AGBL4: variants seen among roughly 807,000 people sequenced by gnomAD.
The protein encoded by AGBL4 is AGBL carboxypeptidase 4, also known as cytosolic carboxypeptidase 6.
AGBL4 carries 58 observed loss-of-function variants against 66.4 expected under a neutral mutation model. That is an observed-to-expected ratio of 0.87 (90% CI 0.71 to 1.09). The LOEUF is 1.09. AGBL4 is among the 50% of genes least tolerant of loss of function. The pLI is 0.00. For synonymous variants in AGBL4, 234 were observed against 222.9 expected (o/e 1.05, Z -0.44); for missense variants, 579 against 631.0 (o/e 0.92, Z 0.88).
At chr1:49,650,352 G>A (rs1472758325) in intron 3 of AGBL4, among the ~76,000 whole-genome samples, 1 of 152,184 alleles carries the variant, frequency 6.6e-6, no homozygotes, top group Non-Finnish European at 1.5e-5. Flanking sequence ...AAGTGAGAGT[G>A]TTTCTTTGCT....
At chr1:49,689,180 T>C (rs1018809676) in intron 3 of AGBL4, among the ~76,000 whole-genome samples, 12 of 152,184 alleles carry the variant, frequency 7.9e-5, no homozygotes, top group African/African-American at 2.2e-4. Context: ...CCTCAATGTT[T>C]TCTTTTAGTA....
chr1:49,397,165 G>T (rs1644990705), intron 3 of AGBL4, among the ~76,000 whole-genome samples: 1 of 151,948 alleles, frequency 6.6e-6, no homozygotes, highest in Non-Finnish European at 1.5e-5. Context: ...ACCAGTACTG[G>T]TCCATGGCCT....
At chr1:49,259,330 C>T (rs1421063330) in intron 3 of AGBL4, among the ~76,000 whole-genome samples, 1 of 151,966 alleles carries the variant, frequency 6.6e-6, no homozygotes, top group African/African-American at 2.4e-5. Flanking sequence ...TGTAAATGGA[C>T]TAAATGCTCC....
intron 5 of AGBL4, among the ~76,000 whole-genome samples, chr1:48,869,743 T>C (rs1648463510): frequency 6.6e-6 from 1 of 152,098 alleles, no homozygotes; most frequent in African/African-American, 2.4e-5. Context: ...TAGAACTCCC[T>C]GAGAACCTGT....
At chr1:49,183,895 T>G (rs1270119788) in intron 4 of AGBL4, among the ~76,000 whole-genome samples, 1 of 152,146 alleles carries the variant, frequency 6.6e-6, no homozygotes, top group Non-Finnish European at 1.5e-5. Context: ...GACCTTTGGC[T>G]TTTGACAGAT....
At chr1:49,604,429 T>G (rs1334737399) in intron 3 of AGBL4, among the ~76,000 whole-genome samples, 1 of 152,220 alleles carries the variant, frequency 6.6e-6, no homozygotes, top group African/African-American at 2.4e-5. Context: ...GGTTATTTTA[T>G]TCATGCTGAT....
At chr1:49,347,622 G>A (rs986227823) in intron 3 of AGBL4, among the ~76,000 whole-genome samples, 2 of 152,054 alleles carry the variant, frequency 1.3e-5, no homozygotes, top group Non-Finnish European at 2.9e-5. Context: ...CACGTTGGGA[G>A]GCTCAGGCAG....
intron 5 of AGBL4, among the ~76,000 whole-genome samples, chr1:48,980,718 A>AATATATATAT (rs544711494): frequency 2.2e-5 from 2 of 92,346 alleles, no homozygotes; most frequent in Non-Finnish European, 4.1e-5. Context: ...GTAAAGAAGA[A>AATATATATAT]ATATATATAT....
chr1:49,492,679 A>G (rs1029712239), intron 3 of AGBL4, among the ~76,000 whole-genome samples: 2 of 152,002 alleles, frequency 1.3e-5, no homozygotes, highest in African/African-American at 4.8e-5. Flanking sequence ...AAGTACAGCT[A>G]TTAAGACAGG....
intron 3 of AGBL4, among the ~76,000 whole-genome samples, chr1:49,676,039 G>A (rs1253624483): frequency 1.3e-5 from 2 of 152,010 alleles, no homozygotes; most frequent in Non-Finnish European, 2.9e-5. Flanking sequence ...CATTTCAACT[G>A]ATGTACATAA....
intron 3 of AGBL4, among the ~76,000 whole-genome samples, chr1:49,405,021 T>C (rs1047639502): frequency 1.3e-5 from 2 of 152,174 alleles, no homozygotes; most frequent in African/African-American, 4.8e-5. Flanking sequence ...GCCTTCAGAT[T>C]CCACTGGGTG....
chr1:48,958,158 T>C (rs1657653829), intron 5 of AGBL4, among the ~76,000 whole-genome samples: 2 of 152,082 alleles, frequency 1.3e-5, no homozygotes, highest in Non-Finnish European at 1.5e-5. Context: ...GCGCCTGGCC[T>C]CTGCAGGCTT....
chr1:49,015,815 T>A lies in AGBL4; in HGVS notation c.594+29769A>T, dbSNP rs577787865. On this transcript the variant is annotated intron_variant, in intron 5 of 13. Coordinates refer to ENST00000371839, the MANE Select transcript of AGBL4 (RefSeq NM_032785.4). ...TAATTTTACAAAATGCTATTTCATT[T>A]ATTTTTTTCGTTTTAAAGAAAGAAA... is the stretch of plus-strand genomic sequence containing the variant. 8.5e-5 allele frequency among the ~76,000 whole-genome samples: 13 copies of A among 152,278 alleles called. No homozygotes were observed. In the East Asian group the frequency reaches 2.5e-3, roughly 29 times the overall value.
intron 5 of AGBL4, among the ~76,000 whole-genome samples, chr1:48,997,585 ATCT>A (rs1382330624): frequency 1.3e-5 from 2 of 152,192 alleles, no homozygotes; most frequent in Non-Finnish European, 2.9e-5. Flanking sequence ...CATGAACTGA[ATCT>A]TCTTAACTCA....
At chr1:49,849,476 C>T (rs938953150) in intron 2 of AGBL4, among the ~76,000 whole-genome samples, 5 of 139,076 alleles carry the variant, frequency 3.6e-5, no homozygotes, top group Admixed American at 3.6e-4. Flanking sequence ...ACAAAGTATA[C>T]ATACACACAC....
intron 5 of AGBL4, among the ~76,000 whole-genome samples, chr1:48,964,388 A>G (rs1658250102): frequency 6.6e-6 from 1 of 152,210 alleles, no homozygotes; most frequent in African/African-American, 2.4e-5. Context: ...GCTCAAAATC[A>G]TAGTTATACC....
At chr1:49,407,686 G>C (rs768500665) in intron 3 of AGBL4, among the ~76,000 whole-genome samples, 2 of 151,802 alleles carry the variant, frequency 1.3e-5, no homozygotes, top group Non-Finnish European at 2.9e-5. Flanking sequence ...AAAAAAAAGA[G>C]GAACACTTTT....
At chr1:49,222,164 A>G (rs1181069631) in intron 4 of AGBL4, among the ~76,000 whole-genome samples, 1 of 152,172 alleles carries the variant, frequency 6.6e-6, no homozygotes, top group Admixed American at 6.5e-5. Context: ...TACAATACCC[A>G]TATTATATAT....
chr1:49,378,703 A>G (rs1483405467), intron 3 of AGBL4, among the ~76,000 whole-genome samples: 1 of 152,138 alleles, frequency 6.6e-6, no homozygotes, highest in Non-Finnish European at 1.5e-5. Flanking sequence ...GGAGAGAAGA[A>G]AGGAAGGCTT....
Sources: gnomAD v4.1 joint callset for allele counts (sites outside exome capture counted in the v4.1 genomes callset) on GRCh38, gnomAD v4.1.1 for gene constraint, MANE v1.5 for transcripts, NCBI Gene and HGNC (gene_info 2026-07-23, HGNC 2026-07-21) for gene names.